Variants in EYS observed in about 807,000 individuals in gnomAD.
EYS encodes protein eyes shut homolog.
EYS carries 250 observed loss-of-function variants against 282.1 expected under a neutral mutation model. The observed-to-expected ratio is 0.89, with a 90% confidence interval of 0.80 to 0.98. EYS has a LOEUF of 0.98. Among genes scored for constraint, EYS ranks in the 50% least tolerant of loss-of-function variants. EYS has a pLI of 0.00. For synonymous variants in EYS, 1,355 were observed against 1,282.9 expected (o/e 1.06, Z -1.20); for missense variants, 4,016 against 3,709.0 (o/e 1.08, Z -2.15).
chr6:63,914,082 ATGT>A (rs2149739588), intron 35 of EYS, among the ~76,000 whole-genome samples: 1 of 152,274 alleles, frequency 6.6e-6, no homozygotes, highest in South Asian at 2.1e-4. Flanking sequence ...TAATTGAAAC[ATGT>A]TGTATGTATT....
chr6:65,612,824 G>GA (rs1766047753), intron 2 of EYS, among the ~76,000 whole-genome samples: 2 of 151,366 alleles, frequency 1.3e-5, no homozygotes, highest in East Asian at 1.9e-4. Flanking sequence ...AGTTGATTGG[G>GA]AAAAAATAGA....
At chr6:64,101,301 T>C (rs1772818366) in intron 31 of EYS, among the ~76,000 whole-genome samples, 1 of 152,062 alleles carries the variant, frequency 6.6e-6, no homozygotes, top group African/African-American at 2.4e-5. Flanking sequence ...TGTAGATTAT[T>C]TGAAACCCAA....
At chr6:63,913,391 T>A (rs80027191) in intron 35 of EYS, among the ~76,000 whole-genome samples, 1 of 152,238 alleles carries the variant, frequency 6.6e-6, no homozygotes, top group Admixed American at 6.5e-5. Flanking sequence ...TACAGTTCAA[T>A]GGTTTTTAGT....
At chr6:64,782,367 C>A (rs2149994545) in intron 22 of EYS, among the ~76,000 whole-genome samples, 1 of 152,188 alleles carries the variant, frequency 6.6e-6, no homozygotes, top group South Asian at 2.1e-4. Context: ...ATAGTCAATA[C>A]CCTATTTAGG....
chr6:64,811,001 T>C (rs1335751311), intron 22 of EYS, among the ~76,000 whole-genome samples: 2 of 152,084 alleles, frequency 1.3e-5, no homozygotes, highest in African/African-American at 4.8e-5. Flanking sequence ...ATTTTCTTCT[T>C]TAAATATCAA....
chr6:64,820,734 A>T, intron 21 of EYS, among the ~76,000 whole-genome samples: 1 of 152,266 alleles, frequency 6.6e-6, no homozygotes, highest in Non-Finnish European at 1.5e-5. Flanking sequence ...GAGAACACAC[A>T]GTAGGTAAGT....
At chr6:63,920,264 C>T (rs1157103699) in intron 35 of EYS, among the ~76,000 whole-genome samples, 1 of 151,994 alleles carries the variant, frequency 6.6e-6, no homozygotes, top group East Asian at 1.9e-4. Flanking sequence ...TTTTCTCTGT[C>T]CAGGGAGCTG....
intron 19 of EYS, among the ~76,000 whole-genome samples, chr6:64,842,898 T>G (rs1765607185): frequency 6.6e-6 from 1 of 151,976 alleles, no homozygotes. Context: ...AAAACCCCAT[T>G]TTTTGAGGAG....
chr6:63,915,980 A>T (rs1764413602), intron 35 of EYS, among the ~76,000 whole-genome samples: 1 of 152,272 alleles, frequency 6.6e-6, no homozygotes, highest in South Asian at 2.1e-4. Flanking sequence ...GATTCAGAGT[A>T]TACAGAAATT....
intron 15 of EYS, among the ~76,000 whole-genome samples, chr6:64,936,187 A>G (rs1415291230): frequency 6.6e-6 from 1 of 151,578 alleles, no homozygotes; most frequent in African/African-American, 2.4e-5. Flanking sequence ...ATATAAGACA[A>G]ATTACACATA....
chr6:65,029,358 G>A (rs1307999167), intron 13 of EYS, among the ~76,000 whole-genome samples: 1 of 151,846 alleles, frequency 6.6e-6, no homozygotes, highest in African/African-American at 2.4e-5. Flanking sequence ...TCTATATATT[G>A]ATATACATAC....
chr6:64,593,083 C>G (rs1429698887), intron 25 of EYS, 34 bp downstream of exon 25: 2 of 1,417,874 alleles, frequency 1.4e-6, no homozygotes, highest in Non-Finnish European at 1.9e-6. Context: ...TTTTCAAACT[C>G]AAACTTCTTA....
chr6:64,646,887 G>A (rs1768374135), intron 22 of EYS, among the ~76,000 whole-genome samples: 1 of 152,034 alleles, frequency 6.6e-6, no homozygotes, highest in South Asian at 2.1e-4. Context: ...TATTAACATG[G>A]GATGAGGTCT....
rs538106181 is a variant in EYS, at chr6:64,871,223, T to C, written c.2992+15474A>G. Among the ~76,000 whole-genome samples, 77 of 152,004 alleles carry C rather than the reference T, an allele frequency of 5.1e-4. 1 individual carries two copies. Among genetic ancestry groups the C allele is most frequent in the African/African-American group, 1.8e-3 (74 of 41,542 alleles). ...TAATATTATTTGCATAACATGCCAT[T>C]TGCATAATATTCAATGTTCCCATTA... On this transcript the variant is annotated intron_variant, in intron 19 of 42. Coordinates refer to ENST00000503581, the MANE Select transcript of EYS (RefSeq NM_001142800.2).
chr6:64,359,077 T>C (rs1771923142), intron 29 of EYS, among the ~76,000 whole-genome samples: 1 of 151,646 alleles, frequency 6.6e-6, no homozygotes, highest in Admixed American at 6.6e-5. Flanking sequence ...CACAGACAAT[T>C]CAAATGTCAA....
At chr6:65,558,708 G>T (rs1768914308) in intron 2 of EYS, among the ~76,000 whole-genome samples, 1 of 152,194 alleles carries the variant, frequency 6.6e-6, no homozygotes, top group African/African-American at 2.4e-5. Context: ...AAATGGGACT[G>T]AAAGAAATTA....
intron 2 of EYS, among the ~76,000 whole-genome samples, chr6:65,557,052 C>T (rs1768840419): frequency 6.6e-6 from 1 of 152,112 alleles, no homozygotes; most frequent in South Asian, 2.1e-4. Context: ...TAAAAATGTA[C>T]AGATGGTATA....
At chr6:64,198,526 T>C (rs1485163872) in intron 31 of EYS, among the ~76,000 whole-genome samples, 3 of 152,052 alleles carry the variant, frequency 2.0e-5, no homozygotes, top group Admixed American at 6.6e-5. Context: ...CCTCCCTGTG[T>C]ACATGGGTTC....
At chr6:65,151,398 C>A (rs565956882) in intron 12 of EYS, among the ~76,000 whole-genome samples, 14 of 152,074 alleles carry the variant, frequency 9.2e-5, no homozygotes, top group Non-Finnish European at 2.1e-4. Flanking sequence ...GTTTTTAACT[C>A]AACCTGTAGG....
Sources: gnomAD v4.1 joint callset for allele counts (sites outside exome capture counted in the v4.1 genomes callset) on GRCh38, gnomAD v4.1.1 for gene constraint, MANE v1.5 for transcripts, NCBI Gene and HGNC (gene_info 2026-07-23, HGNC 2026-07-21) for gene names.